The following CDH12 variants were observed in gnomAD, a reference collection of about 807,000 sequenced individuals.
The protein encoded by CDH12 is cadherin-12.
A neutral mutation model predicts 74.1 loss-of-function variants in CDH12; 41 were observed. The observed-to-expected ratio is 0.55, with a 90% CI of 0.43 to 0.72. The LOEUF (loss-of-function observed/expected upper bound fraction) is 0.72, where lower values mean the gene tolerates loss of function less well. CDH12 is among the 30% of genes least tolerant of loss of function. The pLI is 0.00. For missense variants in CDH12, 945 were observed against 977.2 expected (o/e 0.97, Z 0.44); for synonymous variants, 399 against 355.0 (o/e 1.12, Z -1.39).
chr5:22,096,989 G>C lies in CDH12; in HGVS notation c.-186-18127C>G, dbSNP rs144089315. On this transcript the variant is annotated intron_variant, in intron 4 of 14. Transcript: ENST00000382254. ...GGCAGCCAAGTAGCAACATATTTCT[G>C]AGTTGCAATTCCTTGCCTCCACTGT... 4.6e-4 allele frequency among the ~76,000 whole-genome samples: 70 copies of C among 151,986 alleles called. 1 individual carries two copies. In the East Asian group the frequency reaches 0.013, roughly 29 times the overall value.
intron 3 of CDH12, among the ~76,000 whole-genome samples, chr5:22,285,687 A>G (rs574861086): frequency 6.6e-6 from 1 of 152,294 alleles, no homozygotes; most frequent in African/African-American, 2.4e-5. Context: ...TAGAAATTTT[A>G]GTCTTCATAT....
intron 1 of CDH12, among the ~76,000 whole-genome samples, chr5:22,725,218 G>T (rs2126995681): frequency 6.6e-6 from 1 of 151,820 alleles, no homozygotes; most frequent in East Asian, 1.9e-4. Context: ...TTAGTGGTTT[G>T]TGTTTTTATA....
intron 1 of CDH12, among the ~76,000 whole-genome samples, chr5:22,510,688 CTA>C (rs1235628051): frequency 6.6e-6 from 1 of 151,998 alleles, no homozygotes; most frequent in Admixed American, 6.6e-5. Flanking sequence ...ATAATAATTG[CTA>C]TGTCATATTG....
At chr5:22,422,667 A>T (rs757291931) in intron 2 of CDH12, among the ~76,000 whole-genome samples, 13 of 152,126 alleles carry the variant, frequency 8.5e-5, no homozygotes, top group Non-Finnish European at 1.6e-4. Context: ...GGTGGGAAAA[A>T]TTTGTCTTAA....
chr5:22,134,137 C>T (rs552368698), intron 4 of CDH12, among the ~76,000 whole-genome samples: 29 of 152,152 alleles, frequency 1.9e-4, no homozygotes, highest in African/African-American at 7.0e-4. Flanking sequence ...ACCAAGCTAG[C>T]GTGACCATCA....
At chr5:22,618,565 T>C (rs1014296034) in intron 1 of CDH12, among the ~76,000 whole-genome samples, 2 of 152,168 alleles carry the variant, frequency 1.3e-5, no homozygotes, top group Admixed American at 1.3e-4. Flanking sequence ...AGCTCGTTAC[T>C]GTCTGAATAT....
At chr5:22,661,391 C>T (rs946714001) in intron 1 of CDH12, among the ~76,000 whole-genome samples, 1 of 152,122 alleles carries the variant, frequency 6.6e-6, no homozygotes, top group Non-Finnish European at 1.5e-5. Context: ...AGGAATTATT[C>T]TATTTAGCAC....
intron 1 of CDH12, among the ~76,000 whole-genome samples, chr5:22,654,897 C>G (rs972316318): frequency 6.6e-6 from 1 of 152,146 alleles, no homozygotes; most frequent in South Asian, 2.1e-4. Flanking sequence ...TCTCAACGTG[C>G]TGGGAATACA....
At chr5:21,882,050 C>A (rs1161994337) in intron 6 of CDH12, among the ~76,000 whole-genome samples, 4 of 152,140 alleles carry the variant, frequency 2.6e-5, no homozygotes, top group Non-Finnish European at 4.4e-5. Flanking sequence ...GATTACAAAG[C>A]AATATTTGTA....
intron 6 of CDH12, among the ~76,000 whole-genome samples, chr5:21,906,758 C>A (rs1223450664): frequency 3.3e-5 from 5 of 152,216 alleles, no homozygotes; most frequent in African/African-American, 1.2e-4. Flanking sequence ...GAGCTACAGT[C>A]AGTTTTCTGA....
intron 1 of CDH12, among the ~76,000 whole-genome samples, chr5:22,642,553 A>G (rs1472002684): frequency 1.3e-5 from 2 of 152,228 alleles, no homozygotes; most frequent in Non-Finnish European, 2.9e-5. Flanking sequence ...TACGGAGCCC[A>G]GTTAATCTTA....
At chr5:22,568,508 C>T (rs1739396023) in intron 1 of CDH12, among the ~76,000 whole-genome samples, 1 of 152,076 alleles carries the variant, frequency 6.6e-6, no homozygotes, top group South Asian at 2.1e-4. Context: ...TGTTAAATAG[C>T]AAACACATCT....
intron 1 of CDH12, among the ~76,000 whole-genome samples, chr5:22,578,742 G>C (rs1031708539): frequency 6.6e-6 from 1 of 151,778 alleles, no homozygotes; most frequent in Admixed American, 6.6e-5. Flanking sequence ...TTTTTTTGGT[G>C]GGGGAGGGTA....
At position 22,832,875 on chromosome 5, in the gene CDH12, G is replaced by A. The variant is rs866230353; in HGVS notation, c.-523+20183C>T. Among the ~76,000 whole-genome samples, 9 of 152,188 alleles carry A rather than the reference G, an allele frequency of 5.9e-5. No homozygotes were observed. The Middle Eastern group carries it at 0.014, about 230-fold the overall frequency. ...CCAATAATGTCCTTACTAAATCAAT[G>A]ATAATTATCCTTTCACACCTGATAT... On this transcript the variant is annotated intron_variant, in intron 1 of 14. Coordinates refer to ENST00000382254, the MANE Select transcript of CDH12 (RefSeq NM_004061.5).
At chr5:22,047,530 C>T (rs948280336) in intron 5 of CDH12, among the ~76,000 whole-genome samples, 1 of 151,716 alleles carries the variant, frequency 6.6e-6, no homozygotes, top group East Asian at 1.9e-4. Context: ...GTAAACACCC[C>T]CCCCCACATC....
intron 1 of CDH12, among the ~76,000 whole-genome samples, chr5:22,801,635 TCATATATATATA>T (rs1581013689): frequency 1.1e-5 from 1 of 87,910 alleles, no homozygotes; most frequent in Non-Finnish European, 2.3e-5. Flanking sequence ...ACTCTGCTTA[TCATATATATATA>T]TATATATATA....
chr5:22,309,503 G>A (rs565130946), intron 3 of CDH12, among the ~76,000 whole-genome samples: 2 of 152,098 alleles, frequency 1.3e-5, no homozygotes, highest in East Asian at 3.9e-4. Flanking sequence ...ATGATGTCTC[G>A]ATATACATAT....
intron 2 of CDH12, among the ~76,000 whole-genome samples, chr5:22,491,307 T>G (rs1044369980): frequency 2.0e-5 from 3 of 152,224 alleles, no homozygotes; most frequent in Non-Finnish European, 2.9e-5. Context: ...TGTATTCATG[T>G]TGCTGCAAAG....
chr5:21,754,904 T>G (rs1744300240), intron 14 of CDH12, among the ~76,000 whole-genome samples: 1 of 152,146 alleles, frequency 6.6e-6, no homozygotes, highest in Admixed American at 6.5e-5. Flanking sequence ...TCCTAATAGG[T>G]TTATATTCAC....
Sources: allele counts gnomAD v4.1 joint callset (sites outside exome capture counted in the v4.1 genomes callset), GRCh38; gene constraint gnomAD v4.1.1; transcripts MANE v1.5; gene names NCBI Gene and HGNC (gene_info 2026-07-23, HGNC 2026-07-21).